TMEM74: variants seen among roughly 807,000 people sequenced by gnomAD.
The protein encoded by TMEM74 is transmembrane protein 74.
A neutral mutation model predicts 18.1 loss-of-function variants in TMEM74; 13 were observed. That is an observed-to-expected ratio of 0.72 (90% CI 0.47 to 1.14). The LOEUF is 1.14. Among genes scored for constraint, TMEM74 ranks in the 50% most tolerant of loss-of-function variants. The probability of loss-of-function intolerance (pLI) is 0.00; values close to 1 mark genes in which losing one functional copy is unlikely to be tolerated. For synonymous variants in TMEM74, 159 were observed against 146.6 expected, an observed-to-expected ratio of 1.08 and a Z score of -0.61; for missense variants, 372 against 375.9, an observed-to-expected ratio of 0.99 and a Z score of 0.09.
intron 1 of TMEM74, among the ~76,000 whole-genome samples, chr8:108,736,656 A>G (rs144551985): frequency 5.1e-4 from 77 of 152,218 alleles, no homozygotes; most frequent in Non-Finnish European, 9.0e-4. Flanking sequence ...GTCTCAAAAA[A>G]AAAGAGATCT....
chr8:108,778,442 A>G (rs2129656559), downstream of TMEM74, among the ~76,000 whole-genome samples: 1 of 152,364 alleles, frequency 6.6e-6, no homozygotes, highest in Non-Finnish European at 1.5e-5. Context: ...ATGTAACAGC[A>G]TCACTTAGCT....
intron 2 of TMEM74, among the ~76,000 whole-genome samples, chr8:108,641,392 T>TTCA (rs1383808270): frequency 1.3e-5 from 2 of 152,154 alleles, no homozygotes; most frequent in Non-Finnish European, 2.9e-5. Context: ...TGTTTAATGA[T>TTCA]GACTTTCAGG....
intron 2 of TMEM74, among the ~76,000 whole-genome samples, chr8:108,643,387 C>A (rs778272044): frequency 6.6e-6 from 1 of 152,134 alleles, no homozygotes; most frequent in Non-Finnish European, 1.5e-5. Context: ...ACTCTGCAAT[C>A]TCATTATTTC....
At chr8:108,708,992 C>T (rs1477932791) in intron 1 of TMEM74, among the ~76,000 whole-genome samples, 1 of 152,020 alleles carries the variant, frequency 6.6e-6, no homozygotes, top group African/African-American at 2.4e-5. Flanking sequence ...GATATCATGT[C>T]ACACCTGTTA....
chr8:108,703,399 A>G (rs1786604970), intron 1 of TMEM74, among the ~76,000 whole-genome samples: 1 of 152,178 alleles, frequency 6.6e-6, no homozygotes, highest in African/African-American at 2.4e-5. Flanking sequence ...ATCTAAAGGC[A>G]TAAGGTTAAC....
intron 1 of TMEM74, among the ~76,000 whole-genome samples, chr8:108,697,764 A>G (rs890625857): frequency 6.6e-6 from 1 of 152,000 alleles, no homozygotes; most frequent in African/African-American, 2.4e-5. Flanking sequence ...ATCTTTCATA[A>G]TGTTTGGGGA....
chr8:108,636,468 A>G (rs1188773416), intron 2 of TMEM74, among the ~76,000 whole-genome samples: 1 of 152,114 alleles, frequency 6.6e-6, no homozygotes, highest in Non-Finnish European at 1.5e-5. Flanking sequence ...TATACTCTGT[A>G]TTTGAAGCAG....
intron 1 of TMEM74, among the ~76,000 whole-genome samples, chr8:108,688,088 C>A (rs998444742): frequency 6.6e-6 from 1 of 152,146 alleles, no homozygotes; most frequent in South Asian, 2.1e-4. Context: ...GAATTCAAAT[C>A]GAAGTAGAAA....
chr8:108,636,811 G>A (rs998756848), intron 2 of TMEM74, among the ~76,000 whole-genome samples: 6 of 152,074 alleles, frequency 3.9e-5, no homozygotes, highest in Admixed American at 1.3e-4. Flanking sequence ...AAGTGAAAGT[G>A]CTTTGATTCT....
rs1247792522 is a variant in TMEM74, at chr8:108,707,837, C to A, written n.120-52400G>T. Among the ~76,000 whole-genome samples the A allele has an allele frequency of 2.6e-5, 4 of 152,166 alleles. No homozygotes were observed. In the East Asian group the frequency reaches 7.8e-4, roughly 30 times the overall value. On this transcript the variant is annotated intron_variant and non_coding_transcript_variant, in intron 1 of 3. Coordinates refer to the TMEM74 transcript ENST00000518838. ...CACAGGCTGTGAAAGGAAAAATAAA[C>A]AAGTAGGATTATATCAAAGTAAAAC...
chr8:108,703,068 AT>A (rs1467417677), intron 1 of TMEM74, among the ~76,000 whole-genome samples: 1 of 152,182 alleles, frequency 6.6e-6, no homozygotes, highest in Non-Finnish European at 1.5e-5. Flanking sequence ...TGGGAAAGGA[AT>A]AATCCCTCTA....
At chr8:108,761,596 T>A (rs1330094533) in intron 1 of TMEM74, among the ~76,000 whole-genome samples, 1 of 152,072 alleles carries the variant, frequency 6.6e-6, no homozygotes, top group African/African-American at 2.4e-5. Flanking sequence ...TGGAGATGGA[T>A]AGTCTCATAT....
rs147946867 is a variant in TMEM74 at position 108,634,434 on chromosome 8, T to G, written n.264+20859A>C. Among the ~76,000 whole-genome samples the G allele has an allele frequency of 2.6e-5, 4 of 152,104 alleles. No homozygotes were observed. The East Asian group carries it at 7.7e-4, about 29-fold the overall frequency. ...AATTACTCCTCCTCTCTCCCAACAC[T>G]GTACATTAGCTCAAAATCCATGAAT... On this transcript the variant is annotated intron_variant and non_coding_transcript_variant, in intron 2 of 3. Coordinates refer to the TMEM74 transcript ENST00000518838.
At chr8:108,718,882 A>G (rs1417528639) in intron 1 of TMEM74, among the ~76,000 whole-genome samples, 1 of 152,044 alleles carries the variant, frequency 6.6e-6, no homozygotes, top group Non-Finnish European at 1.5e-5. Flanking sequence ...AAACAATCAG[A>G]AAAAAAGCAA....
chr8:108,748,586 C>A (rs1015554963), intron 1 of TMEM74, among the ~76,000 whole-genome samples: 2 of 150,894 alleles, frequency 1.3e-5, no homozygotes, highest in African/African-American at 4.9e-5. Flanking sequence ...TCCCATTTGT[C>A]AATTTTTGAC....
intron 2 of TMEM74, among the ~76,000 whole-genome samples, chr8:108,610,363 T>C (rs1434142365): frequency 2.0e-5 from 3 of 152,340 alleles, no homozygotes; most frequent in Non-Finnish European, 4.4e-5. Flanking sequence ...GTTCATTCAA[T>C]AAATATTTAT....
At chr8:108,659,445 G>A (rs1379151156) in intron 1 of TMEM74, among the ~76,000 whole-genome samples, 1 of 152,020 alleles carries the variant, frequency 6.6e-6, no homozygotes, top group Admixed American at 6.6e-5. Flanking sequence ...CTTTCTTTCT[G>A]GTTGTTTCAG....
intron 2 of TMEM74, among the ~76,000 whole-genome samples, chr8:108,641,995 G>A (rs143244830): frequency 1.3e-5 from 2 of 152,236 alleles, no homozygotes; most frequent in African/African-American, 4.8e-5. Flanking sequence ...GGATCAGTAA[G>A]TGTTAGTAAA....
chr8:108,695,034 G>A (rs1424817476), intron 1 of TMEM74, among the ~76,000 whole-genome samples: 3 of 152,184 alleles, frequency 2.0e-5, no homozygotes, highest in Non-Finnish European at 2.9e-5. Context: ...ACCACACGCT[G>A]GGCCAGGAGT....
Sources: gnomAD v4.1 joint callset for allele counts (sites outside exome capture counted in the v4.1 genomes callset) on GRCh38, gnomAD v4.1.1 for gene constraint, MANE v1.5 for transcripts, NCBI Gene and HGNC (gene_info 2026-07-23, HGNC 2026-07-21) for gene names.